The following CDH26 variants were observed in gnomAD, a reference collection of about 807,000 sequenced individuals.
CDH26 encodes the protein cadherin 26.
In CDH26, 83 loss-of-function variants were observed where a neutral mutation model predicts 90.3. That is an observed-to-expected ratio of 0.92 (90% CI 0.77 to 1.10). The LOEUF is 1.10. Among genes scored for constraint, CDH26 ranks in the 50% least tolerant of loss-of-function variants. The pLI, the probability that CDH26 is intolerant of heterozygous loss-of-function variation, is 0.00. For missense variants in CDH26, 1,013 were observed against 1,037.6 expected (o/e 0.98, Z 0.33); for synonymous variants, 397 against 396.3 (o/e 1.00, Z -0.02).
At chr20:60,006,162 G>A (rs569363554) in intron 16 of CDH26, among the ~76,000 whole-genome samples, 1 of 152,328 alleles carries the variant, frequency 6.6e-6, no homozygotes, top group East Asian at 1.9e-4. Context: ...TTGCCTCCAG[G>A]CCAGCCTGAC....
Position 59,967,993 on chromosome 20 carries a change from T to A in CDH26, c.70-974T>A, listed in dbSNP as rs868836254. Among the ~76,000 whole-genome samples, 44 of 132,596 alleles carry A rather than the reference T, an allele frequency of 3.3e-4. 1 individual carries two copies. Among genetic ancestry groups the A allele is most frequent in the Middle Eastern group, 3.7e-3 (1 of 272 alleles). The allele number at this position is 132,596 out of a possible 152,430, so 87.0% of individuals were successfully genotyped here. On this transcript the variant is annotated intron_variant, in intron 1 of 17. Transcript: ENST00000348616. ...TTTCTTTCTTTCTTTCTTTCTTTCT[T>A]TCTTTCTTTCTTTCTTTCTTCCTTT...
In CDH26 at chr20:59,958,720, T is replaced by G. The variant is rs371004997; in HGVS notation, c.-7T>G. Reference sequence around the variant, plus strand: ...GCACGTTCTGGGTCTGTCTTGGGTATTCCCATATGGCCATGAGATCCGGGA... The same window carrying G: ...GCACGTTCTGGGTCTGTCTTGGGTAGTCCCATATGGCCATGAGATCCGGGA... On this transcript the variant is annotated 5_prime_UTR_variant, in exon 1 of 18. Transcript: ENST00000348616. The G allele has an allele frequency of 3.6e-5, 58 of 1,614,028 alleles. No homozygotes were observed. Among genetic ancestry groups the G allele is most frequent in the Non-Finnish European group, 4.8e-5 (57 of 1,179,984 alleles).
intron 12 of CDH26, 112 bp from the exon 13 acceptor site, chr20:59,996,519 T>C: frequency 6.2e-7 from 1 of 1,613,790 alleles, no homozygotes; most frequent in Non-Finnish European, 8.5e-7. Context: ...TAAGACGCAA[T>C]TTGGCCTTGC....
At chr20:60,015,178 G>T (rs1272637594), downstream of CDH26, among the ~76,000 whole-genome samples, 2 of 152,122 alleles carry the variant, frequency 1.3e-5, no homozygotes, top group Non-Finnish European at 2.9e-5. Flanking sequence ...TAGAGATGGG[G>T]TTTTGCCATG....
At position 59,992,429 on chromosome 20, in the gene CDH26, C is replaced by T. The variant is rs773935366; in HGVS notation, c.1335C>T (p.Ser445=). ...ATTGGGTCAGCGTCGACAAAAACTC[C>T]GGAGTGGTCATCACCGTGGAGCCAA... The part of the protein sequence containing the change: ...PANWVSVDKN[S]GVVITVEPID... Residue 445 remains serine, a synonymous_variant, in exon 10 of 18, where the codon TCC becomes TCT. Transcript: ENST00000348616. This position sits in a 1 kb window ranked among gnomAD's most constrained non-coding sequence, Gnocchi z 5.0. 7.4e-6 allele frequency: 12 copies of T among 1,613,914 alleles called. No homozygotes were observed. The highest frequency in any genetic ancestry group is 3.3e-5 in the Admixed American group (2 of 59,980).
At chr20:59,993,565 A>G (rs1198078662) in intron 10 of CDH26, among the ~76,000 whole-genome samples, 2 of 152,226 alleles carry the variant, frequency 1.3e-5, no homozygotes, top group Non-Finnish European at 1.5e-5. Flanking sequence ...CTCCAGCTCT[A>G]TTCAAGTGTC....
At chr20:59,968,009 T>G (rs1334157600) in intron 1 of CDH26, among the ~76,000 whole-genome samples, 1 of 114,106 alleles carries the variant, frequency 8.8e-6, no homozygotes, top group African/African-American at 3.9e-5. Flanking sequence ...CTTTCTTTCT[T>G]TCTTCCTTTC....
downstream of CDH26, among the ~76,000 whole-genome samples, chr20:60,019,267 G>T (rs1458296755): frequency 6.6e-6 from 1 of 152,104 alleles, no homozygotes. Flanking sequence ...AACAGGAATT[G>T]GGATGTTTCC....
chr20:59,986,988 AAC>A (rs2061467119), intron 7 of CDH26, among the ~76,000 whole-genome samples: 2 of 152,200 alleles, frequency 1.3e-5, no homozygotes, highest in African/African-American at 2.4e-5. Flanking sequence ...CTTGTCTAGA[AAC>A]ATTGCCTCCA....
intron 4 of CDH26, among the ~76,000 whole-genome samples, chr20:59,975,149 A>G (rs532760077): frequency 2.0e-5 from 3 of 152,300 alleles, no homozygotes; most frequent in Admixed American, 1.3e-4. Flanking sequence ...GTCCTAATTC[A>G]TGGTACCTAC....
chr20:59,986,625 AC>A (rs2061462184), intron 7 of CDH26, among the ~76,000 whole-genome samples: 1 of 135,186 alleles, frequency 7.4e-6, no homozygotes, highest in Non-Finnish European at 1.5e-5. Flanking sequence ...CTACACACAC[AC>A]ACACACACAC....
chr20:59,975,495 G>A (rs2061317360), intron 4 of CDH26, among the ~76,000 whole-genome samples: 1 of 152,190 alleles, frequency 6.6e-6, no homozygotes, highest in South Asian at 2.1e-4. Flanking sequence ...CCTAGTGTAA[G>A]CCATGGGGGT....
chr20:60,026,608 C>T (rs1233602341), intron 7 of CDH26, among the ~76,000 whole-genome samples: 2 of 152,182 alleles, frequency 1.3e-5, no homozygotes, highest in East Asian at 1.9e-4. Context: ...ACACAAGAAC[C>T]TCAGTCCCAC....
At chr20:60,033,081 G>A (rs1009099258) in intron 8 of CDH26, among the ~76,000 whole-genome samples, 7 of 152,160 alleles carry the variant, frequency 4.6e-5, no homozygotes, top group African/African-American at 1.2e-4. Context: ...CATGATGTGG[G>A]CATTTAGAGC....
chr20:59,994,075 T>G, intron 10 of CDH26, 175 bp from the exon 11 acceptor site: 1 of 730,724 alleles, frequency 1.4e-6, no homozygotes, highest in Non-Finnish European at 2.2e-6. Context: ...ATATTCTGAA[T>G]GCTCATAAAA....
chr20:60,006,560 GA>G (rs924486150), intron 16 of CDH26, among the ~76,000 whole-genome samples, 152 bp from the exon 17 acceptor site: 2 of 152,200 alleles, frequency 1.3e-5, no homozygotes, highest in Non-Finnish European at 2.9e-5. Context: ...ACAAAGAGAG[GA>G]AACGTGAGCA....
Position 59,966,985 on chromosome 20 carries a change from G to GT in CDH26, c.70-1981dup, listed in dbSNP as rs144720128. On this transcript the variant is annotated intron_variant, in intron 1 of 17. Coordinates refer to ENST00000348616, the MANE Select transcript of CDH26 (RefSeq NM_177980.4). ...CCCCAAAATGAAAAATCAATGATAA[G>GT]TAAAAAAAAAAATAATAATGTTATG... 4.5e-3 allele frequency among the ~76,000 whole-genome samples: 664 copies of GT among 147,018 alleles called. 16 individuals are homozygous for GT. In the East Asian group the frequency reaches 0.049, roughly 11 times the overall value.
rs76721730 is a variant in CDH26 at position 59,983,027 on chromosome 20, A to G, written c.498A>G (p.Pro166=). The change falls in exon 5 of 18, where the codon CCA becomes CCG. Residue 166 remains proline (P), a synonymous_variant. Transcript: ENST00000348616. Reference sequence around the variant, plus strand: ...TGAATGATCATGCACCCCAGTTTCCAGAGAAGGAATTTAACATCACTGTGC... The same window carrying G: ...TGAATGATCATGCACCCCAGTTTCCGGAGAAGGAATTTAACATCACTGTGC... ...SDVNDHAPQF[P]EKEFNITVQE... 0.014 allele frequency: 22,093 copies of G among 1,614,054 alleles called. 176 individuals carry two copies. Among genetic ancestry groups the G allele is most frequent in the Middle Eastern group, 0.018 (110 of 6,062 alleles).
At chr20:60,021,895 C>CATAT (rs1387371250) in intron 7 of CDH26, among the ~76,000 whole-genome samples, 11 of 80,770 alleles carry the variant, frequency 1.4e-4, no homozygotes, top group African/African-American at 2.3e-4. Flanking sequence ...CACACACACA[C>CATAT]ACATATATAT....
Sources: allele counts gnomAD v4.1 joint callset (sites outside exome capture counted in the v4.1 genomes callset), GRCh38; gene constraint gnomAD v4.1.1; non-coding constraint Gnocchi (gnomAD v3.1); transcripts MANE v1.5; gene names NCBI Gene and HGNC (gene_info 2026-07-23, HGNC 2026-07-21).